The following CELSR1 variants were observed in gnomAD, a reference collection of about 807,000 sequenced individuals.
The protein encoded by CELSR1 is adhesion G protein-coupled receptor C1.
Under a neutral mutation model 249.1 loss-of-function variants are expected in CELSR1, and 110 were observed. The ratio of observed to expected loss-of-function variants is 0.44; its 90% CI spans 0.38 to 0.52. CELSR1 has a LOEUF of 0.52. Ranked by LOEUF, CELSR1 falls within the 20% of genes least tolerant of loss-of-function variation. The probability of loss-of-function intolerance (pLI) is 0.00; values close to 1 mark genes in which losing one functional copy is unlikely to be tolerated. For synonymous variants in CELSR1, 2,113 were observed against 1,900.0 expected, an observed-to-expected ratio of 1.11 and a Z score of -2.92; for missense variants, 4,109 against 4,296.4, an observed-to-expected ratio of 0.96 and a Z score of 1.22.
At chr22:46,479,424 T>C (rs910157516) in intron 1 of CELSR1, among the ~76,000 whole-genome samples, 1 of 151,862 alleles carries the variant, frequency 6.6e-6, no homozygotes, top group Admixed American at 6.6e-5. Flanking sequence ...CCCCTACCAC[T>C]CCAGGTGAGC....
chr22:46,409,669 C>T lies in CELSR1; in HGVS notation c.5059+86G>A, dbSNP rs918622286. 12 of 1,522,188 alleles carry T rather than the reference C, an allele frequency of 7.9e-6. No individual in the cohort carries two copies. The highest frequency in any genetic ancestry group is 3.5e-4 in the Middle Eastern group (2 of 5,794). The allele number at this position is 1,522,188 out of a possible 1,614,324, so 94.3% of individuals were successfully genotyped here. On this transcript the variant is annotated intron_variant, in intron 8 of 34. Transcript: ENST00000674500. The surrounding 1 kb of genome is among the most constrained non-coding windows in gnomAD (Gnocchi z 9.8). ...GAGGCTGCCGGACCTGGATGTGAAG[C>T]CCCCTCACGGTGGTCCCGGGCACAT...
intron 1 of CELSR1, among the ~76,000 whole-genome samples, chr22:46,477,008 T>C (rs1038313014): frequency 6.6e-6 from 1 of 152,166 alleles, no homozygotes; most frequent in African/African-American, 2.4e-5. Context: ...TGGCGTGACA[T>C]TGTACAAAAG....
rs1308652437 is a variant in CELSR1, at chr22:46,409,252, T to TGGGCCTGC, written c.5060-91_5060-90insGCAGGCCC. On this transcript the variant is annotated intron_variant, in intron 8 of 34. Coordinates refer to ENST00000674500, the MANE Select transcript of CELSR1 (RefSeq NM_001378328.1). This position sits in a 1 kb window ranked among gnomAD's most constrained non-coding sequence, Gnocchi z 9.8. ...AGGGGCGGGGGATGGGCCTGCAGGC[T>TGGGCCTGC]AGGCCTGGGCCTTTTTCACTTTAAC... 1.4e-5 allele frequency: 20 copies of TGGGCCTGC among 1,388,558 alleles called. No individual in the cohort carries two copies. In the African/African-American group the frequency reaches 2.3e-4, roughly 16 times the overall value. The allele number at this position is 1,388,558 out of a possible 1,614,324, so 86.0% of individuals were successfully genotyped here.
In CELSR1 at chr22:46,374,986, C is replaced by A. The variant is rs78660875; in HGVS notation, c.7585-1929G>T. Among the ~76,000 whole-genome samples, 1,257 of 152,192 alleles carry A rather than the reference C, an allele frequency of 8.3e-3. 14 individuals carry two copies. The highest frequency in any genetic ancestry group is 0.028 in the African/African-American group (1,176 of 41,520). ...CGCCTCGGGGCTCGTCCTTCATGGG[C>A]CAGGCCTGGTGCTCCACCTACCACT... On this transcript the variant is annotated intron_variant, in intron 24 of 34. Coordinates refer to ENST00000674500, the MANE Select transcript of CELSR1 (RefSeq NM_001378328.1). This position sits in a 1 kb window ranked among gnomAD's most constrained non-coding sequence, Gnocchi z 4.3.
chr22:46,393,524 G>T lies in CELSR1; in HGVS notation c.5964+618C>A, dbSNP rs543230708. Among the ~76,000 whole-genome samples the T allele has an allele frequency of 6.6e-6, 1 of 152,120 alleles. No individual in the cohort carries two copies. Among genetic ancestry groups the T allele is most frequent in the East Asian group, 1.9e-4 (1 of 5,186 alleles). On this transcript the variant is annotated intron_variant, in intron 14 of 34. Coordinates refer to ENST00000674500, the MANE Select transcript of CELSR1 (RefSeq NM_001378328.1). This position sits in a 1 kb window ranked among gnomAD's most constrained non-coding sequence, Gnocchi z 4.1. ...AGGCTGAGGCGGGCGGATCACCTGAGGTCAGGAGTTCAAGACCAGCCTGGC... is the reference window on the plus strand; with the variant it reads ...AGGCTGAGGCGGGCGGATCACCTGATGTCAGGAGTTCAAGACCAGCCTGGC...
Position 46,363,600 on chromosome 22 carries a change from A to G in CELSR1, c.9036-353T>C. On this transcript the variant is annotated intron_variant, in intron 34 of 34. Coordinates refer to ENST00000674500, the MANE Select transcript of CELSR1 (RefSeq NM_001378328.1). The surrounding 1 kb of genome is among the most constrained non-coding windows in gnomAD (Gnocchi z 4.3). ...GGGCGACAGGGAGAGGTCTGGGGCC[A>G]GGACCCCAGCTCCACCCCGCCCCCT... The G allele has an allele frequency of 2.8e-6, 1 of 361,478 alleles. No individual in the cohort carries two copies. Among genetic ancestry groups the G allele is most frequent in the Non-Finnish European group, 5.1e-6 (1 of 196,332 alleles). 22.4% of individuals were successfully genotyped at this position (361,478 alleles called of 1,614,324 possible).
At chr22:46,459,166 A>G (rs2079991711) in intron 2 of CELSR1, among the ~76,000 whole-genome samples, 1 of 152,004 alleles carries the variant, frequency 6.6e-6, no homozygotes, top group African/African-American at 2.4e-5. Flanking sequence ...GGGATTACAG[A>G]TGTGAGCCAC....
chr22:46,431,393 G>A (rs1354082506), intron 5 of CELSR1, among the ~76,000 whole-genome samples: 3 of 152,224 alleles, frequency 2.0e-5, no homozygotes, highest in Non-Finnish European at 4.4e-5. Context: ...GTTGAGCACT[G>A]ATGGGGAGAC....
chr22:46,391,128 G>C lies in CELSR1; in HGVS notation c.6250+58C>G. Reference sequence around the variant, plus strand: ...TTCCATGAGTCCCCACATCTCGACTGGCTCCTCCCACAAGGACGCCTGCCT... The same window carrying C: ...TTCCATGAGTCCCCACATCTCGACTCGCTCCTCCCACAAGGACGCCTGCCT... On this transcript the variant is annotated intron_variant, in intron 16 of 34. Transcript: ENST00000674500. The surrounding 1 kb of genome is among the most constrained non-coding windows in gnomAD (Gnocchi z 4.3). The C allele has an allele frequency of 7.2e-7, 1 of 1,394,316 alleles. No individual in the cohort carries two copies. Among genetic ancestry groups the C allele is most frequent in the Non-Finnish European group, 1.0e-6 (1 of 994,644 alleles). 86.4% of individuals were successfully genotyped at this position (1,394,316 alleles called of 1,614,324 possible). A position where few individuals can be genotyped will look rare whatever the true frequency, so the allele number is the denominator to read the frequency against.
At position 46,437,250 on chromosome 22, in the gene CELSR1, C is replaced by T. The variant is rs1006799767; in HGVS notation, c.4407-961G>A. 1.3e-5 allele frequency among the ~76,000 whole-genome samples: 2 copies of T among 152,170 alleles called. No individual in the cohort carries two copies. The highest frequency in any genetic ancestry group is 1.3e-4 in the Admixed American group (2 of 15,278). On this transcript the variant is annotated intron_variant, in intron 3 of 34. Transcript: ENST00000674500. The surrounding 1 kb of genome is among the most constrained non-coding windows in gnomAD (Gnocchi z 4.9). ...CAGGGGGTCTTCAGACCCAAATCAC[C>T]ACAACACCTCCCCCACCTCCCTGGT...
At chr22:46,383,246 T>C (rs901181276) in intron 20 of CELSR1, among the ~76,000 whole-genome samples, 12 of 152,202 alleles carry the variant, frequency 7.9e-5, no homozygotes, top group Admixed American at 7.9e-4. Context: ...GATAACATCA[T>C]ATACCTGACA....
At chr22:46,470,438 A>G (rs1453225620) in intron 1 of CELSR1, among the ~76,000 whole-genome samples, 2 of 151,954 alleles carry the variant, frequency 1.3e-5, no homozygotes, top group Non-Finnish European at 2.9e-5. Flanking sequence ...GGCACAGCAC[A>G]GAGAAACACC....
At chr22:46,421,081 C>T (rs1441859350) in intron 5 of CELSR1, among the ~76,000 whole-genome samples, 3 of 152,214 alleles carry the variant, frequency 2.0e-5, no homozygotes, top group African/African-American at 7.2e-5. Context: ...ATCTGTGAAA[C>T]AGCAACAGCA....
Position 46,363,981 on chromosome 22 carries a change from G to T in CELSR1, c.9035+15C>A. The T allele has an allele frequency of 6.3e-7, 1 of 1,583,064 alleles. No individual in the cohort carries two copies. Among genetic ancestry groups the T allele is most frequent in the Middle Eastern group, 2.0e-4 (1 of 4,926 alleles). Reference sequence around the variant, plus strand: ...GAAGTGGGTGATCCCCGCCCTGGAGGCCCAGGCTACTCACTCAGAGTCGGA... The same window carrying T: ...GAAGTGGGTGATCCCCGCCCTGGAGTCCCAGGCTACTCACTCAGAGTCGGA... On this transcript the variant is annotated intron_variant, in intron 34 of 34. Transcript: ENST00000674500. The surrounding 1 kb of genome is among the most constrained non-coding windows in gnomAD (Gnocchi z 4.3).
rs1282143167 is a variant in CELSR1, at chr22:46,488,582, A to AC, written c.3545-24238dup. ...TGAGGGACACAAAAAGAACAAACGC[A>AC]CCCCCCGCGCCACAGTGGAAAGTCC... On this transcript the variant is annotated intron_variant, in intron 1 of 34. Coordinates refer to ENST00000674500, the MANE Select transcript of CELSR1 (RefSeq NM_001378328.1). This position sits in a 1 kb window ranked among gnomAD's most constrained non-coding sequence, Gnocchi z 4.7. Among the ~76,000 whole-genome samples the AC allele has an allele frequency of 6.7e-6, 1 of 148,974 alleles. No individual in the cohort carries two copies. Among genetic ancestry groups the AC allele is most frequent in the African/African-American group, 2.5e-5 (1 of 40,124 alleles).
In CELSR1 at chr22:46,364,751, CGGT is replaced by C. The variant is rs756174072; in HGVS notation, c.8555-18_8555-16del. On this transcript the variant is annotated splice_polypyrimidine_tract_variant and intron_variant, in intron 32 of 34. Coordinates refer to ENST00000674500, the MANE Select transcript of CELSR1 (RefSeq NM_001378328.1). The stretch of plus-strand genomic sequence containing the variant: ...CACAGCGTCCCCTGAGGCACGAGAG[CGGT>C]GCTCAGCAGGCAGCGGCACTGCCAC... 7 of 1,606,686 alleles carry C rather than the reference CGGT, an allele frequency of 4.4e-6. No homozygotes were observed. Among genetic ancestry groups the C allele is most frequent in the Non-Finnish European group, 5.9e-6 (7 of 1,177,310 alleles).
chr22:46,371,635 T>TCATC (rs899833633), intron 25 of CELSR1, among the ~76,000 whole-genome samples: 1 of 148,874 alleles, frequency 6.7e-6, no homozygotes, highest in Non-Finnish European at 1.5e-5. Context: ...CCCACCCATT[T>TCATC]CATCCATCCA....
At chr22:46,422,780 A>AAAAAAAAAAG (rs1337523194) in intron 5 of CELSR1, among the ~76,000 whole-genome samples, 6,666 of 147,642 alleles carry the variant, frequency 0.045, 326 homozygotes, top group African/African-American at 0.055. Context: ...AAAAAAAAAA[A>AAAAAAAAAAG]TGGCTCATAG....
At position 46,536,212 on chromosome 22, in the gene CELSR1, A is replaced by T. The variant is rs2080853638; in HGVS notation, c.959T>A (p.Val320Asp). 6.2e-7 allele frequency: 1 copy of T among 1,612,536 alleles called. No homozygotes were observed. Among genetic ancestry groups the T allele is most frequent in the African/African-American group, 1.3e-5 (1 of 74,970 alleles). Residue 320 changes from valine to aspartate, a missense_variant, in exon 1 of 35, where the codon GTC (valine) becomes GAC (aspartate). Physicochemically the swap from Val to Asp is radical, Grantham distance 152. This residue lies in a region of CELSR1 where 673 missense variants were observed against 636.8 expected (regional missense o/e 1.06). Transcript: ENST00000674500. The part of the protein sequence containing the change: ...VLDRETKETH[V>D]LRVKAVDYST... ...GTAGTCCACGGCTTTCACCCTGAGG[A>T]CGTGCGTCTCCTTGGTCTCGCGGTC...
Sources: gnomAD v4.1 joint callset for allele counts (sites outside exome capture counted in the v4.1 genomes callset) on GRCh38, gnomAD v4.1.1 for gene constraint, gnomAD v4.1.1 regional missense constraint, Gnocchi (gnomAD v3.1) non-coding constraint, MANE v1.5 for transcripts, NCBI Gene and HGNC (gene_info 2026-07-23, HGNC 2026-07-21) for gene names.